The following HMCN2 variants were observed in gnomAD, a reference collection of about 807,000 sequenced individuals.
HMCN2 encodes hemicentin 2, also known as hemicentin-2.
A neutral mutation model predicts 377.5 loss-of-function variants in HMCN2; 325 were observed. That is an observed-to-expected ratio of 0.86 (90% CI 0.79 to 0.94). The LOEUF is 0.94. Ranked by LOEUF, HMCN2 falls within the 40% of genes least tolerant of loss-of-function variation. The pLI is 0.00. For missense variants in HMCN2, 4,543 were observed against 4,725.3 expected (o/e 0.96, Z 1.13); for synonymous variants, 2,007 against 2,046.8 (o/e 0.98, Z 0.53).
rs761523981 is a variant in HMCN2, at chr9:130,394,655, C to T, written c.10692+80C>T. On this transcript the variant is annotated intron_variant, in intron 69 of 97. Transcript: ENST00000683500. This position sits in a 1 kb window ranked among gnomAD's most constrained non-coding sequence, Gnocchi z 5.1. ...CTGCAGGTTCCCCAGACCCAGTGGG[C>T]AGTTGACAAAGTTGGGCTGAAGCAC... 1.8e-5 allele frequency: 20 copies of T among 1,126,010 alleles called. No homozygotes were observed. Among genetic ancestry groups the T allele is most frequent in the Non-Finnish European group, 2.2e-5 (19 of 870,864 alleles). 69.8% of individuals were successfully genotyped at this position (1,126,010 alleles called of 1,614,324 possible).
chr9:130,284,410 G>A lies in HMCN2; in HGVS notation c.260-193G>A, dbSNP rs140721000. 2.5e-3 allele frequency among the ~76,000 whole-genome samples: 377 copies of A among 152,228 alleles called. 2 individuals carry two copies. Among genetic ancestry groups the A allele is most frequent in the Non-Finnish European group, 4.3e-3 (290 of 68,004 alleles). ...CGGGTCCTGCTTTGGTGCTGGGCAT[G>A]GGGCAGAGTGGTGTGACCTTGTTTT... On this transcript the variant is annotated intron_variant, in intron 1 of 97. Coordinates refer to ENST00000683500, the MANE Select transcript of HMCN2 (RefSeq NM_001291815.2).
At position 130,352,928 on chromosome 9, in the gene HMCN2, GC is replaced by G; in HGVS notation, c.4593del (p.Thr1532LeufsTer18). 3.1e-6 allele frequency: 4 copies of G among 1,272,058 alleles called. No individual in the cohort carries two copies. Among genetic ancestry groups the G allele is most frequent in the Non-Finnish European group, 4.1e-6 (4 of 971,262 alleles). The allele number at this position is 1,272,058 out of a possible 1,614,324, so 78.8% of individuals were successfully genotyped here. On this transcript the variant is annotated frameshift_variant and splice_region_variant, in exon 31 of 98. Transcript: ENST00000683500. LOFTEE classifies it high-confidence loss of function. ...CAGCCCCACCTCTTTCCTTCTCAGCGCCCCCCACTATCTGGGGCTCCAACGA... is the reference window on the plus strand; with the variant it reads ...CAGCCCCACCTCTTTCCTTCTCAGCGCCCCCACTATCTGGGGCTCCAACGA... ...ARDFQLRVHA[P>X]PTIWGSNETG...
intron 65 of HMCN2, 135 bp from the exon 66 acceptor site, chr9:130,391,800 C>T (rs112246866): frequency 1.7e-5 from 9 of 538,342 alleles, no homozygotes; most frequent in African/African-American, 1.4e-4. Context: ...ATGCAGCGGG[C>T]CTCATCCTTC....
chr9:130,318,985 C>G, intron 15 of HMCN2, among the ~76,000 whole-genome samples: 1 of 152,198 alleles, frequency 6.6e-6, no homozygotes, highest in East Asian at 1.9e-4. Context: ...GGCCATGCTC[C>G]CCTCCACAGA....
At position 130,356,266 on chromosome 9, in the gene HMCN2, G is replaced by A; in HGVS notation, c.5425+9G>A. On this transcript the variant is annotated intron_variant, in intron 34 of 97. Transcript: ENST00000683500. ...GGAGGTGTCTGTGCATGGTGAGTGG[G>A]CGCCTGGGGTTCTGGAGCTGTGGGC... 12 of 1,288,170 alleles carry A rather than the reference G, an allele frequency of 9.3e-6. No homozygotes were observed. Among genetic ancestry groups the A allele is most frequent in the Non-Finnish European group, 1.2e-5 (12 of 983,090 alleles). 79.8% of individuals were successfully genotyped at this position (1,288,170 alleles called of 1,614,324 possible).
chr9:130,386,400 T>A (rs1451923079), intron 60 of HMCN2, 43 bp from the exon 61 acceptor site: 22 of 1,258,460 alleles, frequency 1.7e-5, no homozygotes, highest in Non-Finnish European at 2.1e-5. Flanking sequence ...GCACCCCACT[T>A]CCAGCTCCAG....
intron 61 of HMCN2, 71 bp downstream of exon 61, chr9:130,386,595 C>T (rs542607355): frequency 4.8e-4 from 500 of 1,032,386 alleles, no homozygotes; most frequent in Non-Finnish European, 5.2e-4. Context: ...CCAAGGAGGA[C>T]AAAGACAATA....
rs2131506235 is a variant in HMCN2 at position 130,347,796 on chromosome 9, G to T, written c.4024+436G>T. 6.6e-6 allele frequency among the ~76,000 whole-genome samples: 1 copy of T among 152,302 alleles called. No homozygotes were observed. The highest frequency in any genetic ancestry group is 2.4e-5 in the African/African-American group (1 of 41,550). On this transcript the variant is annotated intron_variant, in intron 26 of 97. Coordinates refer to ENST00000683500, the MANE Select transcript of HMCN2 (RefSeq NM_001291815.2). This position sits in a 1 kb window ranked among gnomAD's most constrained non-coding sequence, Gnocchi z 5.1. ...TTTGGGAGGCTGAGGCAGGAGAATT[G>T]CTTGAGCCCAGGAGATCGAGACCAG... is the stretch of plus-strand genomic sequence containing the variant.
At position 130,398,651 on chromosome 9, in the gene HMCN2, G is replaced by C. The variant is rs1207473813; in HGVS notation, c.11427G>C (p.Val3809=). Residue 3809 remains valine (V), a synonymous_variant, in exon 75 of 98, where the codon GTG becomes GTC. Coordinates refer to ENST00000683500, the MANE Select transcript of HMCN2 (RefSeq NM_001291815.2). ...CCAGCGGCTCCCCTAAGCCCCTGGTGGTCTGGTGGAAGGACGGACAGAAGC... is the reference window on the plus strand; with the variant it reads ...CCAGCGGCTCCCCTAAGCCCCTGGTCGTCTGGTGGAAGGACGGACAGAAGC... The part of the protein sequence containing the change: ...CEASGSPKPL[V]VWWKDGQKLD... 2 of 1,289,566 alleles carry C rather than the reference G, an allele frequency of 1.6e-6. No individual in the cohort carries two copies. The highest frequency in any genetic ancestry group is 4.6e-5 in the Admixed American group (2 of 43,568). 79.9% of individuals were successfully genotyped at this position (1,289,566 alleles called of 1,614,324 possible).
rs543114793 is a variant in HMCN2, at chr9:130,428,219, C to T, written c.14066-139C>T. The T allele has an allele frequency of 6.1e-6, 6 of 979,230 alleles. No individual in the cohort carries two copies. The South Asian group carries it at 1.0e-4, about 17-fold the overall frequency. The allele number at this position is 979,230 out of a possible 1,614,324, so 60.7% of individuals were successfully genotyped here. A position where few individuals can be genotyped will look rare whatever the true frequency, so the allele number is the denominator to read the frequency against. ...GGAGCAAGACAATGGAAAGAGCTAG[C>T]AGAAGGGGTGGGGACCTTCCTGCCA... On this transcript the variant is annotated intron_variant, in intron 92 of 97. Transcript: ENST00000683500. The surrounding 1 kb of genome is among the most constrained non-coding windows in gnomAD (Gnocchi z 5.0).
At chr9:130,300,104 C>T (rs782444989) in intron 8 of HMCN2, among the ~76,000 whole-genome samples, 3 of 151,996 alleles carry the variant, frequency 2.0e-5, no homozygotes, top group Non-Finnish European at 2.9e-5. Flanking sequence ...TTTGCTTACC[C>T]ATCCATCTAC....
rs1844440042 is a variant in HMCN2 at position 130,427,365 on chromosome 9, GT to G, written c.13936del (p.Cys4646ValfsTer62). On this transcript the variant is annotated frameshift_variant, in exon 91 of 98. Coordinates refer to ENST00000683500, the MANE Select transcript of HMCN2 (RefSeq NM_001291815.2). LOFTEE classifies it high-confidence loss of function. ...GCTTTGAGCTGGACTCCCAGGGAGC[GT>G]TTTGTGTGGGTGAGCGCCCCCAACC... is the stretch of plus-strand genomic sequence containing the variant. ...EGFELDSQGA[F>X]CVDRDECSGG... The G allele has an allele frequency of 6.4e-7, 1 of 1,550,538 alleles. No individual in the cohort carries two copies. The highest frequency in any genetic ancestry group is 8.7e-7 in the Non-Finnish European group (1 of 1,146,986).
At chr9:130,277,350 C>T (rs1158844391) in intron 1 of HMCN2, among the ~76,000 whole-genome samples, 1 of 152,226 alleles carries the variant, frequency 6.6e-6, no homozygotes, top group Non-Finnish European at 1.5e-5. Flanking sequence ...CAAATGCCCA[C>T]CCTCAGTCCT....
In HMCN2 at chr9:130,272,494, G is replaced by C. The variant is rs868933879; in HGVS notation, c.259+6357G>C. Among the ~76,000 whole-genome samples, 5 of 124,288 alleles carry C rather than the reference G, an allele frequency of 4.0e-5. 1 individual carries two copies. The highest frequency in any genetic ancestry group is 7.9e-5 in the Non-Finnish European group (4 of 50,326). 81.5% of individuals were successfully genotyped at this position (124,288 alleles called of 152,430 possible). On this transcript the variant is annotated intron_variant, in intron 1 of 97. Coordinates refer to ENST00000683500, the MANE Select transcript of HMCN2 (RefSeq NM_001291815.2). Reference sequence around the variant, plus strand: ...GACCTCAAAGGATCCTCCTGCCTTGGCCTCCCAAAGTCCTGGGATTACAGG... The same window carrying C: ...GACCTCAAAGGATCCTCCTGCCTTGCCCTCCCAAAGTCCTGGGATTACAGG...
Position 130,306,890 on chromosome 9 carries a change from A to G in HMCN2, c.2038A>G (p.Thr680Ala). The change falls in exon 13 of 98, where the codon ACT (threonine) becomes GCT (alanine). Residue 680 changes from threonine to alanine, a missense_variant. By Grantham distance (58) the Thr-to-Ala change is moderately conservative (BLOSUM62 0). This residue lies in a region of HMCN2 where 547 missense variants were observed against 189.9 expected (regional missense o/e 2.88). Transcript: ENST00000683500. Reference protein sequence around the residue: ...EDAGNYSCQATNEVGTDQETV... With the variant: ...EDAGNYSCQAANEVGTDQETV... The stretch of plus-strand genomic sequence containing the variant: ...TGCTGGGAATTACAGCTGCCAGGCG[A>G]CTAATGAGGTTGGCACTGACCAGGA... 2.1e-6 allele frequency: 1 copy of G among 471,116 alleles called. No homozygotes were observed. Among genetic ancestry groups the G allele is most frequent in the Non-Finnish European group, 4.4e-6 (1 of 227,034 alleles). 29.2% of individuals were successfully genotyped at this position (471,116 alleles called of 1,614,324 possible).
intron 1 of HMCN2, among the ~76,000 whole-genome samples, chr9:130,278,741 C>A (rs549334270): frequency 6.6e-6 from 1 of 151,844 alleles, no homozygotes; most frequent in South Asian, 2.1e-4. Context: ...CACCACCACA[C>A]CCGGCTAATT....
At chr9:130,400,409 C>G (rs1365519781) in intron 76 of HMCN2, 2 of 165,852 alleles carry the variant, frequency 1.2e-5, no homozygotes, top group Non-Finnish European at 2.6e-5. Flanking sequence ...ATGGTGACCT[C>G]CCGGGAGCGG....
Position 130,402,825 on chromosome 9 carries a change from C to T in HMCN2, c.11807C>T (p.Ala3936Val). 3 of 1,289,798 alleles carry T rather than the reference C, an allele frequency of 2.3e-6. No homozygotes were observed. The highest frequency in any genetic ancestry group is 3.0e-6 in the Non-Finnish European group (3 of 988,854). 79.9% of individuals were successfully genotyped at this position (1,289,798 alleles called of 1,614,324 possible). A position where few individuals can be genotyped will look rare whatever the true frequency, so the allele number is the denominator to read the frequency against. Reference protein sequence around the residue: ...LEIGQALPIHAGRYTCSARNS... With the variant: ...LEIGQALPIHVGRYTCSARNS... Reference sequence around the variant, plus strand: ...ATCGGGCAGGCCCTCCCCATCCACGCAGGCCGCTACACCTGCTCAGCCCGC... The same window carrying T: ...ATCGGGCAGGCCCTCCCCATCCACGTAGGCCGCTACACCTGCTCAGCCCGC... The change falls in exon 78 of 98, where the codon GCA becomes GTA. Residue 3936 changes from alanine to valine, a missense_variant. Around this residue, in one of 5 missense-constraint regions of HMCN2, gnomAD observed 1,073 missense variants for 1,319.5 expected, o/e 0.81. Transcript: ENST00000683500.
At chr9:130,352,043 C>A (rs1839755247) in intron 30 of HMCN2, among the ~76,000 whole-genome samples, 1 of 152,122 alleles carries the variant, frequency 6.6e-6, no homozygotes, top group Admixed American at 6.5e-5. Flanking sequence ...AACTCCTGAC[C>A]TCAAGTGATC....
Sources: allele counts gnomAD v4.1 joint callset (sites outside exome capture counted in the v4.1 genomes callset), GRCh38; gene constraint gnomAD v4.1.1; regional missense constraint gnomAD v4.1.1; non-coding constraint Gnocchi (gnomAD v3.1); transcripts MANE v1.5; gene names NCBI Gene and HGNC (gene_info 2026-07-23, HGNC 2026-07-21).